Variants in B3GALT1 observed in about 807,000 individuals in gnomAD.
B3GALT1 encodes the protein beta-1,3-galactosyltransferase 1.
A neutral mutation model predicts 23.2 loss-of-function variants in B3GALT1; 10 were observed. The observed-to-expected ratio is 0.43, with a 90% CI of 0.27 to 0.73. The LOEUF is 0.73. Ranked by LOEUF, B3GALT1 falls within the 30% of genes least tolerant of loss-of-function variation. The pLI is 0.21. For missense variants in B3GALT1, 299 were observed against 405.4 expected, an observed-to-expected ratio of 0.74 and a Z score of 2.25; for synonymous variants, 156 against 141.5, an observed-to-expected ratio of 1.10 and a Z score of -0.73.
At chr2:167,431,232 A>G (rs527280805) in intron 1 of B3GALT1, among the ~76,000 whole-genome samples, 8 of 152,332 alleles carry the variant, frequency 5.3e-5, no homozygotes, top group Non-Finnish European at 8.8e-5. Flanking sequence ...TCAGAAAACA[A>G]TACTTAGGTA....
intron 1 of B3GALT1, among the ~76,000 whole-genome samples, chr2:167,480,249 C>T (rs192967220): frequency 1.2e-4 from 19 of 152,238 alleles, no homozygotes; most frequent in African/African-American, 4.1e-4. Flanking sequence ...AAGGCAGTTT[C>T]AGCCCCCAGA....
chr2:167,537,797 T>C (rs1021605488), intron 2 of B3GALT1, among the ~76,000 whole-genome samples: 1 of 151,960 alleles, frequency 6.6e-6, no homozygotes, highest in Non-Finnish European at 1.5e-5. Flanking sequence ...TTTTCAAACA[T>C]TCATCTTTAA....
At position 167,450,978 on chromosome 2, in the gene B3GALT1, G is replaced by A. The variant is rs1559100996; in HGVS notation, c.-510-39199G>A. 3.3e-5 allele frequency among the ~76,000 whole-genome samples: 5 copies of A among 151,842 alleles called. 1 individual carries two copies. In the South Asian group the frequency reaches 1.0e-3, roughly 32 times the overall value. On this transcript the variant is annotated intron_variant, in intron 1 of 4. Transcript: ENST00000392690. Reference sequence around the variant, plus strand: ...TGAAGTTCTTTCTTCTGCTTGTTCAGTTCTGTTAATGAGACTTTCCAGAAC... The same window carrying A: ...TGAAGTTCTTTCTTCTGCTTGTTCAATTCTGTTAATGAGACTTTCCAGAAC...
chr2:167,351,168 C>G (rs1357935125), intron 1 of B3GALT1, among the ~76,000 whole-genome samples: 2 of 151,368 alleles, frequency 1.3e-5, no homozygotes, highest in Non-Finnish European at 2.9e-5. Flanking sequence ...ACTCAGGAGG[C>G]TGAGGCGGGA....
At chr2:167,471,133 A>G (rs1699413948) in intron 1 of B3GALT1, among the ~76,000 whole-genome samples, 1 of 152,170 alleles carries the variant, frequency 6.6e-6, no homozygotes, top group South Asian at 2.1e-4. Flanking sequence ...CAAAATAAGG[A>G]GACCTTTTCT....
chr2:167,361,780 A>G (rs1697503507), intron 1 of B3GALT1, among the ~76,000 whole-genome samples: 1 of 152,156 alleles, frequency 6.6e-6, no homozygotes, highest in African/African-American at 2.4e-5. Flanking sequence ...TTTGTCCAAA[A>G]TCAGAGTTTT....
Position 167,484,604 on chromosome 2 carries a change from C to T in B3GALT1, c.-510-5573C>T, listed in dbSNP as rs138534194. On this transcript the variant is annotated intron_variant, in intron 1 of 4. Coordinates refer to ENST00000392690, the MANE Select transcript of B3GALT1 (RefSeq NM_020981.4). ...AAGAGTTAAGTTATTATCTGAAGACCTGGAATCAATAGAAAGGAGTGTCTA... is the reference window on the plus strand; with the variant it reads ...AAGAGTTAAGTTATTATCTGAAGACTTGGAATCAATAGAAAGGAGTGTCTA... 1.1e-3 allele frequency among the ~76,000 whole-genome samples: 171 copies of T among 152,242 alleles called. 1 individual carries two copies. Among genetic ancestry groups the T allele is most frequent in the African/African-American group, 4.0e-3 (166 of 41,538 alleles).
At chr2:167,664,442 C>T (rs1256390899) in intron 3 of B3GALT1, among the ~76,000 whole-genome samples, 24 of 151,962 alleles carry the variant, frequency 1.6e-4, no homozygotes, top group South Asian at 8.3e-4. Context: ...CTTGGCAATG[C>T]GGGCTCTTTT....
chr2:167,519,628 T>C (rs1034308159), intron 2 of B3GALT1, among the ~76,000 whole-genome samples: 3 of 152,194 alleles, frequency 2.0e-5, no homozygotes, highest in African/African-American at 7.2e-5. Context: ...AATAACTCTA[T>C]AGCATTTTTA....
intron 1 of B3GALT1, among the ~76,000 whole-genome samples, chr2:167,301,269 A>G (rs1256386616): frequency 6.6e-6 from 1 of 152,226 alleles, no homozygotes; most frequent in Non-Finnish European, 1.5e-5. Flanking sequence ...CAACAAAGGA[A>G]GGTATTTTGA....
intron 1 of B3GALT1, among the ~76,000 whole-genome samples, chr2:167,339,705 A>G (rs982069654): frequency 3.3e-5 from 5 of 152,170 alleles, no homozygotes; most frequent in Admixed American, 6.5e-5. Flanking sequence ...TGAAAACAAT[A>G]TAAGCTTCCC....
At chr2:167,797,084 A>C (rs1041313699) in intron 3 of B3GALT1, among the ~76,000 whole-genome samples, 11 of 152,128 alleles carry the variant, frequency 7.2e-5, no homozygotes, top group Non-Finnish European at 1.5e-4. Flanking sequence ...TCACCTAGGT[A>C]TTAAGCCCAG....
chr2:167,497,484 A>C (rs1699797432), intron 2 of B3GALT1, among the ~76,000 whole-genome samples: 1 of 152,180 alleles, frequency 6.6e-6, no homozygotes, highest in Non-Finnish European at 1.5e-5. Context: ...CCGATCACCA[A>C]CTACTAAAAT....
At chr2:167,630,910 C>G (rs964080742) in intron 2 of B3GALT1, among the ~76,000 whole-genome samples, 1 of 150,468 alleles carries the variant, frequency 6.6e-6, no homozygotes, top group African/African-American at 2.4e-5. Context: ...TTATTTCTCT[C>G]CTTCATTCCT....
intron 2 of B3GALT1, among the ~76,000 whole-genome samples, chr2:167,600,287 A>G (rs1684852198): frequency 6.6e-6 from 1 of 152,206 alleles, no homozygotes; most frequent in Non-Finnish European, 1.5e-5. Flanking sequence ...GAGAACGGCC[A>G]GTAGTCTAGC....
chr2:167,418,548 C>T (rs534046012), intron 1 of B3GALT1, among the ~76,000 whole-genome samples: 5 of 152,320 alleles, frequency 3.3e-5, no homozygotes, highest in South Asian at 2.1e-4. Context: ...CCCAACAACC[C>T]TGAAGGCCAT....
chr2:167,579,360 G>T (rs1421034549), intron 2 of B3GALT1, among the ~76,000 whole-genome samples: 1 of 148,940 alleles, frequency 6.7e-6, no homozygotes, highest in Non-Finnish European at 1.5e-5. Context: ...GGAGAAGGAA[G>T]TGGTTCTCAA....
intron 2 of B3GALT1, among the ~76,000 whole-genome samples, chr2:167,576,521 T>G (rs1171733949): frequency 1.2e-3 from 84 of 71,386 alleles, no homozygotes; most frequent in African/African-American, 2.7e-3. Flanking sequence ...TGTTTTTCTG[T>G]TTTTTTTTTT....
intron 3 of B3GALT1, among the ~76,000 whole-genome samples, chr2:167,674,177 T>C (rs1686383737): frequency 6.6e-6 from 1 of 152,140 alleles, no homozygotes; most frequent in African/African-American, 2.4e-5. Flanking sequence ...ATTTAGGGCC[T>C]TTGCAACTGT....
Sources: gnomAD v4.1 joint callset for allele counts (sites outside exome capture counted in the v4.1 genomes callset) on GRCh38, gnomAD v4.1.1 for gene constraint, MANE v1.5 for transcripts, NCBI Gene and HGNC (gene_info 2026-07-23, HGNC 2026-07-21) for gene names.